Variants in NFKB1 observed in about 807,000 individuals in gnomAD.
NFKB1 encodes nuclear factor kappa B subunit 1, also known as nuclear factor NF-kappa-B p105 subunit.
A neutral mutation model predicts 105.1 loss-of-function variants in NFKB1; 9 were observed. The observed-to-expected ratio is 0.09, with a 90% confidence interval of 0.05 to 0.15. The LOEUF (loss-of-function observed/expected upper bound fraction) is 0.15. NFKB1 is among the 10% of genes least tolerant of loss of function. The probability of loss-of-function intolerance (pLI) is 1.00; values close to 1 mark genes in which losing one functional copy is unlikely to be tolerated. For missense variants in NFKB1, 830 were observed against 1,203.7 expected (o/e 0.69, Z 4.59); for synonymous variants, 440 against 442.2 (o/e 1.00, Z 0.06).
intron 1 of NFKB1, among the ~76,000 whole-genome samples, chr4:102,519,875 G>A (rs1165357159): frequency 2.6e-5 from 4 of 152,126 alleles, no homozygotes; most frequent in Non-Finnish European, 4.4e-5. Flanking sequence ...AGAGAAATAT[G>A]TGAAGTTCTA....
chr4:102,582,333 T>A (rs558185423), intron 9 of NFKB1, among the ~76,000 whole-genome samples: 1 of 152,168 alleles, frequency 6.6e-6, no homozygotes, highest in Non-Finnish European at 1.5e-5. Flanking sequence ...GTACTTAACC[T>A]CTTTGGACCC....
intron 10 of NFKB1, among the ~76,000 whole-genome samples, chr4:102,584,250 T>C (rs1306899844): frequency 2.0e-5 from 3 of 152,112 alleles, no homozygotes; most frequent in Non-Finnish European, 4.4e-5. Context: ...ATGTAAGCAA[T>C]GTTTAGTTTC....
At chr4:102,608,967 C>CA in intron 19 of NFKB1, among the ~76,000 whole-genome samples, 1 of 151,628 alleles carries the variant, frequency 6.6e-6, no homozygotes, top group East Asian at 2.0e-4. Flanking sequence ...ACCAGGTTAA[C>CA]ATTGTAAGAC....
At chr4:102,602,255 G>C (rs1333979753) in intron 16 of NFKB1, among the ~76,000 whole-genome samples, 1 of 151,446 alleles carries the variant, frequency 6.6e-6, no homozygotes, top group East Asian at 1.9e-4. Flanking sequence ...TTTAGGCTGG[G>C]TGCGGTGGCT....
At chr4:102,505,469 G>A (rs1739361049) in intron 1 of NFKB1, among the ~76,000 whole-genome samples, 1 of 152,104 alleles carries the variant, frequency 6.6e-6, no homozygotes, top group Non-Finnish European at 1.5e-5. Flanking sequence ...TTTGAAATTA[G>A]AATAATGATA....
chr4:102,587,225 C>G (rs1305551385), intron 11 of NFKB1, among the ~76,000 whole-genome samples: 4 of 152,128 alleles, frequency 2.6e-5, no homozygotes, highest in African/African-American at 9.7e-5. Context: ...ATGCTTCTGC[C>G]TACACAAAAT....
At position 102,612,591 on chromosome 4, in the gene NFKB1, T is replaced by A. The variant is rs1486212421; in HGVS notation, c.2577T>A (p.Leu859=). 4.3e-6 allele frequency: 7 copies of A among 1,613,622 alleles called. No homozygotes were observed. Among genetic ancestry groups the A allele is most frequent in the Non-Finnish European group, 5.9e-6 (7 of 1,179,966 alleles). The change falls in exon 22 of 24, where the codon CTT becomes CTA. Residue 859 remains leucine, a synonymous_variant. Coordinates refer to ENST00000226574, the MANE Select transcript of NFKB1 (RefSeq NM_003998.4). ...FRLSPAPSKT[L]MDNYEVSGGT... ...TGAGTCCTGCTCCTTCCAAAACACT[T>A]ATGGACAACTATGAGGTAACACCTT...
intron 4 of NFKB1, among the ~76,000 whole-genome samples, chr4:102,536,143 T>C (rs538067903): frequency 6.6e-6 from 1 of 152,310 alleles, no homozygotes; most frequent in African/African-American, 2.4e-5. Flanking sequence ...TATACATGTG[T>C]TGTTTTTTTC....
chr4:102,515,488 TTTA>T (rs1222108389), intron 1 of NFKB1, among the ~76,000 whole-genome samples: 2 of 152,212 alleles, frequency 1.3e-5, no homozygotes, highest in Admixed American at 1.3e-4. Context: ...CTATCTCTTC[TTTA>T]TTCTTTTTTT....
chr4:102,544,028 G>A (rs1721941166), intron 5 of NFKB1, among the ~76,000 whole-genome samples: 2 of 151,694 alleles, frequency 1.3e-5, no homozygotes, highest in Non-Finnish European at 2.9e-5. Flanking sequence ...GAACAGAAGG[G>A]CTTTGTAACC....
intron 1 of NFKB1, among the ~76,000 whole-genome samples, chr4:102,505,487 TTTAA>T (rs1321170311): frequency 6.6e-6 from 1 of 152,208 alleles, no homozygotes; most frequent in Non-Finnish European, 1.5e-5. Context: ...ATATATTTGG[TTTAA>T]TTATCCATTA....
chr4:102,516,189 C>G (rs1360718385), intron 1 of NFKB1, among the ~76,000 whole-genome samples: 2 of 151,084 alleles, frequency 1.3e-5, no homozygotes, highest in East Asian at 1.9e-4. Context: ...TTTTTTTTCT[C>G]TAGCATTAGT....
intron 6 of NFKB1, 151 bp from the exon 7 acceptor site, chr4:102,576,725 A>T (rs976874005): frequency 2.6e-6 from 2 of 776,480 alleles, no homozygotes; most frequent in Admixed American, 3.0e-5. Flanking sequence ...AATACCCTAA[A>T]TTCTGAAATG....
chr4:102,578,078 C>A, intron 7 of NFKB1: 1 of 693,632 alleles, frequency 1.4e-6, no homozygotes, highest in Non-Finnish European at 1.8e-6. Flanking sequence ...TTGGTAGGAG[C>A]ACCATGATTT....
chr4:102,509,593 A>G (rs779736423), intron 1 of NFKB1, among the ~76,000 whole-genome samples: 4 of 152,222 alleles, frequency 2.6e-5, no homozygotes, highest in Admixed American at 1.3e-4. Context: ...CTATATGCCA[A>G]TATTAAATTT....
chr4:102,543,137 G>T (rs563839747), intron 5 of NFKB1, among the ~76,000 whole-genome samples: 1 of 152,126 alleles, frequency 6.6e-6, no homozygotes, highest in Non-Finnish European at 1.5e-5. Flanking sequence ...GCCAGGGAAG[G>T]CTCACTTCCC....
At chr4:102,568,080 A>G (rs1309067050) in intron 6 of NFKB1, among the ~76,000 whole-genome samples, 1 of 152,216 alleles carries the variant, frequency 6.6e-6, no homozygotes, top group Non-Finnish European at 1.5e-5. Context: ...CTCAAAAGAA[A>G]GGAATTGTTT....
chr4:102,590,937 C>T (rs1726119001), intron 11 of NFKB1, among the ~76,000 whole-genome samples: 1 of 152,180 alleles, frequency 6.6e-6, no homozygotes, highest in African/African-American at 2.4e-5. Context: ...TTAAACCAGC[C>T]ACAACATTCC....
In NFKB1 at chr4:102,525,569, A is replaced by T; in HGVS notation, c.39+12A>T. 1.9e-6 allele frequency: 3 copies of T among 1,604,854 alleles called. No individual in the cohort carries two copies. The highest frequency in any genetic ancestry group is 2.6e-6 in the Non-Finnish European group (3 of 1,173,570). ...GAAGGCCTGAACAAGTAAGTGTCAT[A>T]ATCTCACTGATAACTTTATTTAAAT... On this transcript the variant is annotated intron_variant, in intron 2 of 23. Transcript: ENST00000226574.
Sources: allele counts gnomAD v4.1 joint callset (sites outside exome capture counted in the v4.1 genomes callset), GRCh38; gene constraint gnomAD v4.1.1; transcripts MANE v1.5; gene names NCBI Gene and HGNC (gene_info 2026-07-23, HGNC 2026-07-21).